COL4A2: variants seen among roughly 807,000 people sequenced by gnomAD.
The protein encoded by COL4A2 is collagen type IV alpha 2 chain, also known as collagen alpha-2(IV) chain.
In COL4A2, 99 loss-of-function variants were observed where a neutral mutation model predicts 200.2. The ratio of observed to expected loss-of-function variants is 0.49; its 90% CI spans 0.42 to 0.58. The LOEUF (loss-of-function observed/expected upper bound fraction) is 0.58, where lower values mean the gene tolerates loss of function less well. Among genes scored for constraint, COL4A2 ranks in the 20% least tolerant of loss-of-function variants. The pLI, the probability that COL4A2 is intolerant of heterozygous loss-of-function variation, is 0.00. For missense variants in COL4A2, 1,950 were observed against 2,314.1 expected (o/e 0.84, Z 3.23); for synonymous variants, 897 against 900.6 (o/e 1.00, Z 0.07).
chr13:110,474,991 C>T (rs2139515714), intron 29 of COL4A2, among the ~76,000 whole-genome samples: 1 of 151,996 alleles, frequency 6.6e-6, no homozygotes, highest in East Asian at 1.9e-4. Flanking sequence ...TGCCTGTGCA[C>T]ACTCACACAT....
chr13:110,478,109 A>G lies in COL4A2; in HGVS notation c.2532A>G (p.Pro844=). Residue 844 remains proline (P), a synonymous_variant, in exon 30 of 48, where the codon CCA becomes CCG. Transcript: ENST00000360467. ...GGCCTCCAGGACTGCATGGATTCCC[A>G]GGAGCTCCTGGCCAAGAGGGGCCCT... ...LYGPPGLHGF[P]GAPGQEGPLG... 1 of 1,603,080 alleles carries G rather than the reference A, an allele frequency of 6.2e-7. No individual in the cohort carries two copies.
intron 28 of COL4A2, among the ~76,000 whole-genome samples, chr13:110,469,534 C>CT (rs1177980285): frequency 1.3e-5 from 2 of 152,198 alleles, no homozygotes; most frequent in Non-Finnish European, 2.9e-5. Flanking sequence ...ATCTACAGAT[C>CT]TTGCAGGAAA....
chr13:110,449,052 G>A (rs1235678146), intron 18 of COL4A2, among the ~76,000 whole-genome samples: 1 of 122,530 alleles, frequency 8.2e-6, no homozygotes, highest in Non-Finnish European at 1.9e-5. Flanking sequence ...GTGACGCCCA[G>A]CAAAGCCCTC....
chr13:110,442,172 T>C (rs1881154206), intron 16 of COL4A2, among the ~76,000 whole-genome samples: 1 of 150,284 alleles, frequency 6.7e-6, no homozygotes, highest in Non-Finnish European at 1.5e-5. Context: ...GACAAGATGC[T>C]GTGTAAACAG....
At chr13:110,501,313 T>TA (rs1476583453) in intron 40 of COL4A2, among the ~76,000 whole-genome samples, 1 of 152,236 alleles carries the variant, frequency 6.6e-6, no homozygotes, top group Non-Finnish European at 1.5e-5. Context: ...TGTCCACACA[T>TA]ATCAGGATCA....
intron 4 of COL4A2, among the ~76,000 whole-genome samples, chr13:110,402,868 T>C (rs1457872933): frequency 2.6e-5 from 4 of 152,208 alleles, no homozygotes; most frequent in African/African-American, 7.2e-5. Context: ...TTGCACTCTG[T>C]GTGCCTGCAG....
rs746063904 is a variant in COL4A2 at position 110,485,714 on chromosome 13, C to A, written c.3085C>A (p.Pro1029Thr). The change falls in exon 34 of 48, where the codon CCC becomes ACC. Residue 1029 changes from proline (P) to threonine (T), a missense_variant. This residue lies in a region of COL4A2 where 1,385 missense variants were observed against 1,720.5 expected (regional missense o/e 0.80). Transcript: ENST00000360467. ...LSGIPGLPGR[P>T]GHIKGVKGDI... is the part of the protein sequence containing the mutation. The stretch of plus-strand genomic sequence containing the variant: ...AGGAATCCCTGGGCTGCCTGGGAGG[C>A]CCGGCCACATCAAAGGAGTCAAGGG... The A allele has an allele frequency of 1.6e-5, 26 of 1,613,562 alleles. No homozygotes were observed. Among genetic ancestry groups the A allele is most frequent in the Non-Finnish European group, 2.2e-5 (26 of 1,179,858 alleles).
At chr13:110,458,131 A>G (rs1025414290) in intron 21 of COL4A2, 4 of 470,460 alleles carry the variant, frequency 8.5e-6, no homozygotes, top group East Asian at 1.4e-4. Context: ...TGTGCAGTGC[A>G]TTCAGCACCC....
In COL4A2 at chr13:110,459,044, C is replaced by T. The variant is rs1033972193; in HGVS notation, c.1596+110C>T. 10 of 1,099,580 alleles carry T rather than the reference C, an allele frequency of 9.1e-6. No individual in the cohort carries two copies. In the Admixed American group the frequency reaches 9.5e-5, roughly 10 times the overall value. The allele number at this position is 1,099,580 out of a possible 1,614,324, so 68.1% of individuals were successfully genotyped here. On this transcript the variant is annotated intron_variant, in intron 22 of 47. Coordinates refer to ENST00000360467, the MANE Select transcript of COL4A2 (RefSeq NM_001846.4). Reference sequence around the variant, plus strand: ...TACACAGCTTCAGACCGGCAACACTCATGGACCCAAGGCATGGCTAAACCA... The same window carrying T: ...TACACAGCTTCAGACCGGCAACACTTATGGACCCAAGGCATGGCTAAACCA...
chr13:110,449,619 G>A (rs1330843474), intron 18 of COL4A2, 60 bp from the exon 19 acceptor site: 29 of 1,468,482 alleles, frequency 2.0e-5, no homozygotes, highest in African/African-American at 1.3e-4. Context: ...AAAAGTGAAC[G>A]CCAGCTGCGA....
chr13:110,321,542 C>A (rs1396812030), intron 3 of COL4A2, among the ~76,000 whole-genome samples: 2 of 152,162 alleles, frequency 1.3e-5, no homozygotes, highest in Admixed American at 6.5e-5. Context: ...TTGAGTGTGA[C>A]TACTCTAGGG....
At chr13:110,352,754 G>A (rs1594163865) in intron 3 of COL4A2, among the ~76,000 whole-genome samples, 1 of 152,172 alleles carries the variant, frequency 6.6e-6, no homozygotes, top group Non-Finnish European at 1.5e-5. Context: ...TGAGAGTCAG[G>A]CATTCTCCAG....
chr13:110,466,861 C>T (rs1882258729), intron 26 of COL4A2, among the ~76,000 whole-genome samples, 179 bp from the exon 27 acceptor site: 1 of 152,152 alleles, frequency 6.6e-6, no homozygotes, highest in African/African-American at 2.4e-5. Context: ...TTTCATTACA[C>T]AATGAAATTA....
intron 4 of COL4A2, among the ~76,000 whole-genome samples, chr13:110,411,640 G>A (rs1336071628): frequency 6.6e-6 from 1 of 152,158 alleles, no homozygotes; most frequent in African/African-American, 2.4e-5. Context: ...GGCTGGCTTG[G>A]TTTTGTACGG....
chr13:110,465,485 C>T lies in COL4A2; in HGVS notation c.1857C>T (p.Gly619=), dbSNP rs781251135. 1 of 1,613,806 alleles carries T rather than the reference C, an allele frequency of 6.2e-7. No homozygotes were observed. The highest frequency in any genetic ancestry group is 1.3e-5 in the African/African-American group (1 of 74,918). ...PGTKGTPGEM[G]PPGLGLPGLK... ...CGAAGGGTACTCCAGGAGAAATGGGCCCCCCAGGACTGGGCCTTCCCGGCC... is the reference window on the plus strand; with the variant it reads ...CGAAGGGTACTCCAGGAGAAATGGGTCCCCCAGGACTGGGCCTTCCCGGCC... The change falls in exon 25 of 48, where the codon GGC becomes GGT. Residue 619 remains glycine (G), a synonymous_variant. Transcript: ENST00000360467.
Position 110,467,198 on chromosome 13 carries a change from C to T in COL4A2, c.2095+102C>T, listed in dbSNP as rs961117685. On this transcript the variant is annotated intron_variant, in intron 27 of 47. Transcript: ENST00000360467. ...CTTTCCTCTGGTCCTGCATCCCCCA[C>T]CCCAGACATGGTCGTGTCCAGCATC... 4 of 1,460,190 alleles carry T rather than the reference C, an allele frequency of 2.7e-6. No homozygotes were observed. The South Asian group carries it at 3.7e-5, about 13-fold the overall frequency. 90.5% of individuals were successfully genotyped at this position (1,460,190 alleles called of 1,614,324 possible).
At chr13:110,407,864 A>G (rs1879631151) in intron 4 of COL4A2, among the ~76,000 whole-genome samples, 1 of 152,210 alleles carries the variant, frequency 6.6e-6, no homozygotes, top group African/African-American at 2.4e-5. Flanking sequence ...TCACCGAGTT[A>G]AGGAGCAGAG....
intron 34 of COL4A2, among the ~76,000 whole-genome samples, chr13:110,487,844 G>C (rs1044297981): frequency 1.3e-5 from 2 of 152,192 alleles, no homozygotes; most frequent in Non-Finnish European, 2.9e-5. Context: ...ACAGTGTTCT[G>C]TGTCTTTCAG....
intron 4 of COL4A2, among the ~76,000 whole-genome samples, chr13:110,403,560 C>T (rs1288561696): frequency 2.0e-5 from 3 of 152,170 alleles, no homozygotes; most frequent in Non-Finnish European, 4.4e-5. Flanking sequence ...TACCAACATT[C>T]TGATCATGAC....
Sources: allele counts gnomAD v4.1 joint callset (sites outside exome capture counted in the v4.1 genomes callset), GRCh38; gene constraint gnomAD v4.1.1; regional missense constraint gnomAD v4.1.1; transcripts MANE v1.5; gene names NCBI Gene and HGNC (gene_info 2026-07-23, HGNC 2026-07-21).